The following TESK2 variants were observed in gnomAD, a reference collection of about 807,000 sequenced individuals.
TESK2 encodes testis associated actin remodelling kinase 2, also known as dual specificity testis-specific protein kinase 2.
Under a neutral mutation model 57.1 loss-of-function variants are expected in TESK2, and 39 were observed. The ratio of observed to expected loss-of-function variants is 0.68; its 90% CI spans 0.53 to 0.89. The LOEUF (loss-of-function observed/expected upper bound fraction) is 0.89. TESK2 is among the 40% of genes least tolerant of loss of function. The pLI is 0.00. For missense variants in TESK2, 646 were observed against 732.1 expected (o/e 0.88, Z 1.36); for synonymous variants, 249 against 267.9 (o/e 0.93, Z 0.69).
chr1:45,394,480 A>G (rs1404331930), intron 3 of TESK2, among the ~76,000 whole-genome samples: 1 of 151,590 alleles, frequency 6.6e-6, no homozygotes, highest in Non-Finnish European at 1.5e-5. Context: ...ACCACTGTGG[A>G]AACAAACCCA....
At chr1:45,455,796 AC>A (rs1365230831) in intron 2 of TESK2, among the ~76,000 whole-genome samples, 10 of 152,162 alleles carry the variant, frequency 6.6e-5, no homozygotes, top group African/African-American at 2.2e-4. Context: ...AGAGAAAGAC[AC>A]ATTAGAAAGA....
At chr1:45,440,758 A>G (rs1340368459) in intron 2 of TESK2, among the ~76,000 whole-genome samples, 2 of 151,948 alleles carry the variant, frequency 1.3e-5, no homozygotes, top group Non-Finnish European at 2.9e-5. Context: ...ATATATATAT[A>G]TTTGTACCAC....
chr1:45,380,935 G>A (rs1570669730), intron 4 of TESK2, among the ~76,000 whole-genome samples: 1 of 152,064 alleles, frequency 6.6e-6, no homozygotes, highest in East Asian at 1.9e-4. Context: ...AGCACCGTGG[G>A]GAATATAAAA....
chr1:45,448,610 C>T (rs138129242), intron 2 of TESK2, among the ~76,000 whole-genome samples: 51 of 152,162 alleles, frequency 3.4e-4, no homozygotes, highest in African/African-American at 1.0e-3. Flanking sequence ...TTCTTTTAAA[C>T]AGCCAGATGT....
intron 4 of TESK2, among the ~76,000 whole-genome samples, chr1:45,376,320 A>G (rs1648424411): frequency 6.7e-6 from 1 of 148,244 alleles, no homozygotes; most frequent in Non-Finnish European, 1.5e-5. Context: ...GGATGAAGCA[A>G]TTCTCCTGCC....
chr1:45,439,835 G>A (rs1418897062), intron 2 of TESK2, among the ~76,000 whole-genome samples: 4 of 152,164 alleles, frequency 2.6e-5, no homozygotes, highest in South Asian at 2.1e-4. Context: ...GTACATGCCT[G>A]TAGTCCTAGC....
At chr1:45,428,796 G>C (rs916596559) in intron 2 of TESK2, among the ~76,000 whole-genome samples, 3 of 138,006 alleles carry the variant, frequency 2.2e-5, no homozygotes, top group African/African-American at 8.1e-5. Flanking sequence ...GAGCCACTGC[G>C]CCCAGCTCTT....
At chr1:45,445,689 G>C (rs911703119) in intron 2 of TESK2, among the ~76,000 whole-genome samples, 8 of 151,658 alleles carry the variant, frequency 5.3e-5, no homozygotes, top group African/African-American at 1.7e-4. Flanking sequence ...CAGATACTTG[G>C]GAGGCTGAGG....
At chr1:45,355,209 T>C in intron 5 of TESK2, 94 bp downstream of exon 5, 1 of 1,378,632 alleles carries the variant, frequency 7.3e-7, no homozygotes, top group Non-Finnish European at 1.0e-6. Flanking sequence ...ATGAATTATG[T>C]CCTCTGTGAT....
In TESK2 at chr1:45,431,349, C is replaced by G. The variant is rs550847893; in HGVS notation, c.223-9503G>C. On this transcript the variant is annotated intron_variant, in intron 2 of 10. Transcript: ENST00000372086. ...AGAAGAATCGCTTGAACCCGGGAGA[C>G]GGAGGTTGCAGTGAGCCAAGATTGT... 1.1e-4 allele frequency among the ~76,000 whole-genome samples: 16 copies of G among 151,800 alleles called. No individual in the cohort carries two copies. In the East Asian group the frequency reaches 2.3e-3, roughly 22 times the overall value.
At chr1:45,399,954 A>C (rs974415280) in intron 3 of TESK2, among the ~76,000 whole-genome samples, 1 of 152,222 alleles carries the variant, frequency 6.6e-6, no homozygotes. Context: ...GGATGTGCTC[A>C]AAAATGCTTT....
chr1:45,374,735 T>A (rs981600619), intron 4 of TESK2, among the ~76,000 whole-genome samples: 1 of 152,200 alleles, frequency 6.6e-6, no homozygotes, highest in Non-Finnish European at 1.5e-5. Flanking sequence ...TCTATGAAGA[T>A]ATCTCAACTC....
rs1035753494 is a variant in TESK2 at position 45,456,712 on chromosome 1, T to A, written c.222+852A>T. Among the ~76,000 whole-genome samples, 3 of 152,200 alleles carry A rather than the reference T, an allele frequency of 2.0e-5. No individual in the cohort carries two copies. In the South Asian group the frequency reaches 6.2e-4, roughly 32 times the overall value. ...GCAAGTGGAAATGGAATGTACAATA[T>A]AAACAGAAATAATGGACTTAGGAGC... On this transcript the variant is annotated intron_variant, in intron 2 of 10. Transcript: ENST00000372086.
intron 1 of TESK2, among the ~76,000 whole-genome samples, chr1:45,465,745 T>C (rs930521686): frequency 6.6e-6 from 1 of 152,230 alleles, no homozygotes; most frequent in Non-Finnish European, 1.5e-5. Context: ...TCATTTCATT[T>C]TACCAGTGTG....
At chr1:45,382,666 T>C (rs1433908260) in intron 4 of TESK2, among the ~76,000 whole-genome samples, 2 of 151,258 alleles carry the variant, frequency 1.3e-5, no homozygotes, top group African/African-American at 4.9e-5. Context: ...AGGTCAGGAG[T>C]TCAAGACCAG....
chr1:45,442,057 C>A lies in TESK2; in HGVS notation c.222+15507G>T, dbSNP rs553630410. ...GTTCAAATGATTCTCCTGCCCCACC[C>A]TCCCGAGTAGCTGGGATTACACGCA... On this transcript the variant is annotated intron_variant, in intron 2 of 10. Transcript: ENST00000372086. Among the ~76,000 whole-genome samples, 3 of 152,314 alleles carry A rather than the reference C, an allele frequency of 2.0e-5. No homozygotes were observed. The East Asian group carries it at 5.8e-4, about 29-fold the overall frequency.
At chr1:45,466,108 C>T (rs1191640559) in intron 1 of TESK2, among the ~76,000 whole-genome samples, 1 of 151,908 alleles carries the variant, frequency 6.6e-6, no homozygotes, top group Non-Finnish European at 1.5e-5. Flanking sequence ...TTTGAGAGGC[C>T]GAGGAGGTGG....
chr1:45,391,192 AG>A (rs1424514141), intron 3 of TESK2, among the ~76,000 whole-genome samples: 3 of 145,228 alleles, frequency 2.1e-5, no homozygotes, highest in Non-Finnish European at 4.5e-5. Context: ...CTGGGATTAC[AG>A]GTGTGAGCCA....
At chr1:45,475,085 A>AG (rs1244762632) in intron 1 of TESK2, among the ~76,000 whole-genome samples, 21 of 146,182 alleles carry the variant, frequency 1.4e-4, no homozygotes, top group Middle Eastern at 3.7e-3. Flanking sequence ...AAAAAAAAGA[A>AG]AAGAAAAGAA....
Sources: gnomAD v4.1 joint callset for allele counts (sites outside exome capture counted in the v4.1 genomes callset) on GRCh38, gnomAD v4.1.1 for gene constraint, MANE v1.5 for transcripts, NCBI Gene and HGNC (gene_info 2026-07-23, HGNC 2026-07-21) for gene names.